Variants in PCCA observed in about 807,000 individuals in gnomAD.
The protein encoded by PCCA is propionyl-CoA carboxylase alpha chain, mitochondrial.
In PCCA, 74 loss-of-function variants were observed where a neutral mutation model predicts 101.3. The ratio of observed to expected loss-of-function variants is 0.73; its 90% CI spans 0.61 to 0.89. PCCA has a LOEUF of 0.89. Among genes scored for constraint, PCCA ranks in the 40% least tolerant of loss-of-function variants. The pLI, the probability that PCCA is intolerant of heterozygous loss-of-function variation, is 0.00. For missense variants in PCCA, 891 were observed against 907.0 expected (o/e 0.98, Z 0.23); for synonymous variants, 294 against 313.6 (o/e 0.94, Z 0.66).
In PCCA at chr13:100,448,979, A is replaced by G. The variant is rs139759394; in HGVS notation, c.1846-273A>G. Among the ~76,000 whole-genome samples the G allele has an allele frequency of 5.8e-3, 887 of 152,290 alleles. 7 individuals are homozygous for G. Among genetic ancestry groups the G allele is most frequent in the African/African-American group, 0.02 (829 of 41,564 alleles). On this transcript the variant is annotated intron_variant, in intron 20 of 23. Coordinates refer to ENST00000376285, the MANE Select transcript of PCCA (RefSeq NM_000282.4). ...GACCTCCTCTTGGAGGCATCTACCA[A>G]TCTACCTTCCATCTCCATGGATTTT... is the stretch of plus-strand genomic sequence containing the variant.
intron 21 of PCCA, among the ~76,000 whole-genome samples, chr13:100,511,394 C>T (rs1279628468): frequency 6.6e-6 from 1 of 152,080 alleles, no homozygotes; most frequent in East Asian, 1.9e-4. Flanking sequence ...ACCTTTGGGG[C>T]CAGAAGGTGT....
chr13:100,526,650 C>T (rs1038550229), intron 22 of PCCA, among the ~76,000 whole-genome samples: 1 of 152,268 alleles, frequency 6.6e-6, no homozygotes, highest in African/African-American at 2.4e-5. Flanking sequence ...ACCCACACCA[C>T]ATAGCCATTG....
intron 16 of PCCA, among the ~76,000 whole-genome samples, chr13:100,330,127 G>C (rs989992198): frequency 6.6e-6 from 1 of 152,078 alleles, no homozygotes; most frequent in African/African-American, 2.4e-5. Context: ...ACAACCAGCA[G>C]GATGCAAAAA....
chr13:100,292,266 T>C (rs2065184456), intron 12 of PCCA, among the ~76,000 whole-genome samples: 1 of 152,210 alleles, frequency 6.6e-6, no homozygotes, highest in South Asian at 2.1e-4. Flanking sequence ...GGAGGACTCA[T>C]TTAATCATTG....
intron 20 of PCCA, among the ~76,000 whole-genome samples, chr13:100,438,317 A>G (rs1297356): frequency 0.17 from 25,502 of 151,428 alleles, 2,809 homozygotes; most frequent in African/African-American, 0.32. Flanking sequence ...ACCACATGCA[A>G]TTAATTTTGT....
At chr13:100,096,047 A>T (rs1199251279) in intron 1 of PCCA, among the ~76,000 whole-genome samples, 3 of 152,108 alleles carry the variant, frequency 2.0e-5, no homozygotes, top group Non-Finnish European at 2.9e-5. Flanking sequence ...CAGACTTGGA[A>T]TGTATTTTGG....
chr13:100,285,557 G>A (rs2064544627), intron 12 of PCCA, among the ~76,000 whole-genome samples: 1 of 152,180 alleles, frequency 6.6e-6, no homozygotes, highest in African/African-American at 2.4e-5. Context: ...GGATCTCACT[G>A]TCTGGACTAC....
chr13:100,188,122 G>A (rs1007368861), intron 6 of PCCA, among the ~76,000 whole-genome samples: 5 of 152,052 alleles, frequency 3.3e-5, no homozygotes, highest in Non-Finnish European at 7.4e-5. Flanking sequence ...GTGAAACCCC[G>A]TCTCTACTAA....
intron 21 of PCCA, among the ~76,000 whole-genome samples, chr13:100,513,598 T>A (rs73566630): frequency 0.02 from 3,031 of 152,350 alleles, 99 homozygotes; most frequent in African/African-American, 0.07. Flanking sequence ...TTCGTTCATA[T>A]GCAGGCTGAT....
chr13:100,430,144 G>A (rs904041354), intron 20 of PCCA, among the ~76,000 whole-genome samples: 1 of 151,814 alleles, frequency 6.6e-6, no homozygotes, highest in Non-Finnish European at 1.5e-5. Flanking sequence ...GCATGGTGGC[G>A]CATGCCTGTA....
chr13:100,271,369 C>A (rs562506161), intron 11 of PCCA, among the ~76,000 whole-genome samples: 1 of 152,004 alleles, frequency 6.6e-6, no homozygotes, highest in African/African-American at 2.4e-5. Flanking sequence ...AAGTACACTT[C>A]CCACCTGTGA....
intron 21 of PCCA, among the ~76,000 whole-genome samples, chr13:100,498,480 T>C (rs1228414982): frequency 6.6e-6 from 1 of 152,144 alleles, no homozygotes; most frequent in African/African-American, 2.4e-5. Context: ...CAAATAGATT[T>C]CCTTGCTCCT....
intron 21 of PCCA, among the ~76,000 whole-genome samples, chr13:100,495,676 A>G (rs148105601): frequency 1.4e-4 from 22 of 152,328 alleles, no homozygotes; most frequent in East Asian, 1.2e-3. Context: ...CCAACTTCCA[A>G]TTATCACTCT....
intron 8 of PCCA, 88 bp downstream of exon 8, chr13:100,235,966 C>A: frequency 2.4e-6 from 2 of 837,334 alleles, no homozygotes; most frequent in Non-Finnish European, 4.2e-6. Flanking sequence ...TCCCATAGAG[C>A]AAATAATACT....
chr13:100,396,506 A>G (rs928175137), intron 19 of PCCA, among the ~76,000 whole-genome samples: 2 of 152,166 alleles, frequency 1.3e-5, no homozygotes, highest in African/African-American at 4.8e-5. Context: ...GTTCTTTTCC[A>G]TTGTATGAAA....
At position 100,457,862 on chromosome 13, in the gene PCCA, C is replaced by G. The variant is rs142541652; in HGVS notation, c.1899+8557C>G. On this transcript the variant is annotated intron_variant, in intron 21 of 23. Coordinates refer to ENST00000376285, the MANE Select transcript of PCCA (RefSeq NM_000282.4). ...AGCCCTCTAGTCCCTGCCATGCCCC[C>G]CTTGGAGGTTGTGTGTGACGCTGAT... Among the ~76,000 whole-genome samples the G allele has an allele frequency of 5.6e-3, 847 of 152,262 alleles. 7 individuals are homozygous for G. The highest frequency in any genetic ancestry group is 0.02 in the African/African-American group (816 of 41,556).
At chr13:100,449,882 T>G (rs143441587) in intron 21 of PCCA, among the ~76,000 whole-genome samples, 3 of 152,244 alleles carry the variant, frequency 2.0e-5, no homozygotes, top group Non-Finnish European at 4.4e-5. Context: ...TATGGCTTAT[T>G]ATACATGTTG....
chr13:100,506,368 C>A (rs990990864), intron 21 of PCCA, among the ~76,000 whole-genome samples: 2 of 143,492 alleles, frequency 1.4e-5, no homozygotes, highest in African/African-American at 5.1e-5. Context: ...AGACCAGAAA[C>A]CTTCGCGGGC....
At chr13:100,490,296 C>T (rs2084806747) in intron 21 of PCCA, 1 of 152,176 alleles carries the variant, frequency 6.6e-6, no homozygotes, top group African/African-American at 2.4e-5. Flanking sequence ...TACTGTACTC[C>T]AAAGAATATC....
Sources: allele counts gnomAD v4.1 joint callset (sites outside exome capture counted in the v4.1 genomes callset), GRCh38; gene constraint gnomAD v4.1.1; transcripts MANE v1.5; gene names NCBI Gene and HGNC (gene_info 2026-07-23, HGNC 2026-07-21).